NPAP1: variants seen among roughly 807,000 people sequenced by gnomAD.
NPAP1 encodes the protein nuclear pore-associated protein 1.
For synonymous variants in NPAP1, 616 were observed against 581.4 expected, an observed-to-expected ratio of 1.06 and a Z score of -0.86; for missense variants, 1,483 against 1,454.5, an observed-to-expected ratio of 1.02 and a Z score of -0.32.
In NPAP1 at chr15:24,678,170, C is replaced by T. The variant is rs2141312007; in HGVS notation, c.2303C>T (p.Ala768Val). The stretch of plus-strand genomic sequence containing the variant: ...TCCAACCATCCTTTAAATCCAGGAG[C>T]CACCCCTCAACCCAAATTTGGGGCC... ...TASNHPLNPG[A>V]TPQPKFGAPD... is the part of the protein sequence containing the mutation. Residue 768 changes from alanine to valine, a missense_variant, in exon 1 of 1, where the codon GCC (alanine) becomes GTC (valine). Physicochemically the swap from Ala to Val is moderately conservative, Grantham distance 64. Coordinates refer to ENST00000329468, the MANE Select transcript of NPAP1 (RefSeq NM_018958.3). 3.7e-6 allele frequency: 6 copies of T among 1,613,600 alleles called. No homozygotes were observed. The highest frequency in any genetic ancestry group is 5.1e-6 in the Non-Finnish European group (6 of 1,179,934).
rs1343410972 is a variant in NPAP1, at chr15:24,677,012, T to C, written c.1145T>C (p.Leu382Ser). ...GAGTATAAAAGGAATAGCAGAATCTTGGAGGATAAAACAGAGACCATGACA... is the reference window on the plus strand; with the variant it reads ...GAGTATAAAAGGAATAGCAGAATCTCGGAGGATAAAACAGAGACCATGACA... ...SPEYKRNSRI[L>S]EDKTETMTNS... Residue 382 changes from leucine to serine, a missense_variant, in exon 1 of 1, where the codon TTG becomes TCG. Transcript: ENST00000329468. 9.3e-6 allele frequency: 15 copies of C among 1,613,970 alleles called. No homozygotes were observed. Among genetic ancestry groups the C allele is most frequent in the Non-Finnish European group, 1.3e-5 (15 of 1,180,018 alleles).
chr15:24,675,865 T>C lies in NPAP1; in HGVS notation c.-3T>C, dbSNP rs1268744238. The C allele has an allele frequency of 1.3e-6, 2 of 1,548,896 alleles. No homozygotes were observed. Among genetic ancestry groups the C allele is most frequent in the Non-Finnish European group, 1.7e-6 (2 of 1,151,862 alleles). On this transcript the variant is annotated 5_prime_UTR_variant, in exon 1 of 1. Coordinates refer to ENST00000329468, the MANE Select transcript of NPAP1 (RefSeq NM_018958.3). Reference sequence around the variant, plus strand: ...TTACGGTAGGAGGCACGGCTAGCTCTAAATGGGCAATTTACTTAGTAAATT... The same window carrying C: ...TTACGGTAGGAGGCACGGCTAGCTCCAAATGGGCAATTTACTTAGTAAATT...
Position 24,677,800 on chromosome 15 carries a change from C to G in NPAP1, c.1933C>G (p.Pro645Ala), listed in dbSNP as rs2141311156. Residue 645 changes from proline (P) to alanine (A), a missense_variant, in exon 1 of 1, where the codon CCT (proline) becomes GCT (alanine). Coordinates refer to ENST00000329468, the MANE Select transcript of NPAP1 (RefSeq NM_018958.3). ...CCAACTCTTTGGAAAAGAAGCCACC[C>G]CTCAGCCCAAATTTGAGGCTCCTGA... ...FNQLFGKEAT[P>A]QPKFEAPDGQ... The G allele has an allele frequency of 1.9e-6, 3 of 1,614,166 alleles. No homozygotes were observed. The highest frequency in any genetic ancestry group is 2.5e-6 in the Non-Finnish European group (3 of 1,180,036).
rs756817955 is a variant in NPAP1 at position 24,676,701 on chromosome 15, G to A, written c.834G>A (p.Ala278=). ...GCSLLQQKLA[A]EVLNEEPPPS... ...CCCTGCTGCAGCAGAAGTTGGCTGC[G>A]GAAGTGCTGAATGAAGAGCCACCGC... is the stretch of plus-strand genomic sequence containing the variant. Residue 278 remains alanine (A), a synonymous_variant, in exon 1 of 1, where the codon GCG becomes GCA. Coordinates refer to ENST00000329468, the MANE Select transcript of NPAP1 (RefSeq NM_018958.3). The A allele has an allele frequency of 6.2e-7, 1 of 1,614,070 alleles. No individual in the cohort carries two copies.
chr15:24,677,376 C>T lies in NPAP1; in HGVS notation c.1509C>T (p.Ser503=), dbSNP rs2141310218. 6.2e-7 allele frequency: 1 copy of T among 1,613,956 alleles called. No individual in the cohort carries two copies. Among genetic ancestry groups the T allele is most frequent in the South Asian group, 1.1e-5 (1 of 91,054 alleles). ...LTSDPPTPPS[S]TPSFKPPVTR... is the part of the protein sequence containing the mutation. ...CTGACCCCCCAACACCTCCTAGCTCCACACCCTCCTTCAAGCCTCCCGTCA... is the reference window on the plus strand; with the variant it reads ...CTGACCCCCCAACACCTCCTAGCTCTACACCCTCCTTCAAGCCTCCCGTCA... The change falls in exon 1 of 1, where the codon TCC becomes TCT. Residue 503 remains serine, a synonymous_variant. Transcript: ENST00000329468.
rs780506627 is a variant in NPAP1, at chr15:24,676,700, C to T, written c.833C>T (p.Ala278Val). ...GCSLLQQKLA[A>V]EVLNEEPPPS... Reference sequence around the variant, plus strand: ...TCCCTGCTGCAGCAGAAGTTGGCTGCGGAAGTGCTGAATGAAGAGCCACCG... The same window carrying T: ...TCCCTGCTGCAGCAGAAGTTGGCTGTGGAAGTGCTGAATGAAGAGCCACCG... Residue 278 changes from alanine to valine, a missense_variant, in exon 1 of 1, where the codon GCG (alanine) becomes GTG (valine). Ala to Val is a moderately conservative substitution (Grantham distance 64). Transcript: ENST00000329468. 20 of 1,614,030 alleles carry T rather than the reference C, an allele frequency of 1.2e-5. No individual in the cohort carries two copies. The highest frequency in any genetic ancestry group is 1.6e-5 in the Non-Finnish European group (19 of 1,180,044).
At position 24,678,977 on chromosome 15, in the gene NPAP1, A is replaced by G. The variant is rs2141313850; in HGVS notation, c.3110A>G (p.Asn1037Ser). 1 of 1,614,158 alleles carries G rather than the reference A, an allele frequency of 6.2e-7. No homozygotes were observed. Among genetic ancestry groups the G allele is most frequent in the Non-Finnish European group, 8.5e-7 (1 of 1,180,044 alleles). The change falls in exon 1 of 1, where the codon AAC (asparagine) becomes AGC (serine). Residue 1037 changes from asparagine (N) to serine (S), a missense_variant. By Grantham distance (46) the Asn-to-Ser change is conservative (BLOSUM62 1). Coordinates refer to ENST00000329468, the MANE Select transcript of NPAP1 (RefSeq NM_018958.3). ...PGPSSTSGELNIGQGQSGTPS... is the reference protein window; with the variant it reads ...PGPSSTSGELSIGQGQSGTPS... ...CCCAGTTCCACATCAGGAGAACTCA[A>G]CATTGGACAAGGACAGAGTGGGACA...
chr15:24,683,379 G>A lies in NPAP1; in HGVS notation c.*4041G>A, dbSNP rs1403956964. ...ACCCTTTCTGCAGGAAGTAAAAATG[G>A]CCTTACTAAATAAATTTATGTTCAA... On this transcript the variant is annotated 3_prime_UTR_variant, in exon 1 of 1. Transcript: ENST00000329468. 3.0e-5 allele frequency: 5 copies of A among 167,272 alleles called. No individual in the cohort carries two copies. Among genetic ancestry groups the A allele is most frequent in the Non-Finnish European group, 7.3e-5 (5 of 68,166 alleles). The allele number at this position is 167,272 out of a possible 1,614,324, so 10.4% of individuals were successfully genotyped here. A position where few individuals can be genotyped will look rare whatever the true frequency, so the allele number is the denominator to read the frequency against.
rs1402807087 is a variant in NPAP1 at position 24,681,273 on chromosome 15, A to G, written c.*1935A>G. 1 of 167,118 alleles carries G rather than the reference A, an allele frequency of 6.0e-6. No individual in the cohort carries two copies. 10.4% of individuals were successfully genotyped at this position (167,118 alleles called of 1,614,324 possible). A position where few individuals can be genotyped will look rare whatever the true frequency, so the allele number is the denominator to read the frequency against. On this transcript the variant is annotated 3_prime_UTR_variant, in exon 1 of 1. Transcript: ENST00000329468. ...TTTTACTATGGCCTGTTTATCTCATAAGATTTTTGAAAGGATAAAATGAAA... is the reference window on the plus strand; with the variant it reads ...TTTTACTATGGCCTGTTTATCTCATGAGATTTTTGAAAGGATAAAATGAAA...
At position 24,680,473 on chromosome 15, in the gene NPAP1, A is replaced by C. The variant is rs1451969149; in HGVS notation, c.*1135A>C. 1.8e-5 allele frequency: 3 copies of C among 167,118 alleles called. No homozygotes were observed. The highest frequency in any genetic ancestry group is 6.5e-5 in the Admixed American group (1 of 15,292). 10.4% of individuals were successfully genotyped at this position (167,118 alleles called of 1,614,324 possible). On this transcript the variant is annotated 3_prime_UTR_variant, in exon 1 of 1. Coordinates refer to ENST00000329468, the MANE Select transcript of NPAP1 (RefSeq NM_018958.3). ...CTTAAGAAATAAGCACTCTCCCTGC[A>C]CATACAGTTCTCATAAATTGACATT...
rs2048972898 is a variant in NPAP1 at position 24,676,048 on chromosome 15, G to A, written c.181G>A (p.Ala61Thr). Residue 61 changes from alanine (A) to threonine (T), a missense_variant, in exon 1 of 1, where the codon GCA becomes ACA. Physicochemically the swap from Ala to Thr is moderately conservative, Grantham distance 58. Coordinates refer to ENST00000329468, the MANE Select transcript of NPAP1 (RefSeq NM_018958.3). Reference sequence around the variant, plus strand: ...CCGGAACGCCCGTCGCAGGCCTTCAGCAGCCAGCATCTTCGTCGCCCCTAA... The same window carrying A: ...CCGGAACGCCCGTCGCAGGCCTTCAACAGCCAGCATCTTCGTCGCCCCTAA... ...FRRNARRRPS[A>T]ASIFVAPKRP... 1.3e-6 allele frequency: 2 copies of A among 1,590,932 alleles called. No individual in the cohort carries two copies. Among genetic ancestry groups the A allele is most frequent in the African/African-American group, 1.4e-5 (1 of 73,548 alleles).
Position 24,678,926 on chromosome 15 carries a change from T to C in NPAP1, c.3059T>C (p.Ile1020Thr), listed in dbSNP as rs773151668. The change falls in exon 1 of 1, where the codon ATT (isoleucine) becomes ACT (threonine). Residue 1020 changes from isoleucine (I) to threonine (T), a missense_variant. Ile to Thr is a moderately conservative substitution (Grantham distance 89). Coordinates refer to ENST00000329468, the MANE Select transcript of NPAP1 (RefSeq NM_018958.3). Reference protein sequence around the residue: ...GPGTPMDGGSIGFSMSAPGPS... With the variant: ...GPGTPMDGGSTGFSMSAPGPS... ...GGAACCCCTATGGATGGTGGGAGCA[T>C]TGGGTTCAGCATGTCTGCCCCAGGC... is the stretch of plus-strand genomic sequence containing the variant. 54 of 1,613,998 alleles carry C rather than the reference T, an allele frequency of 3.3e-5. No individual in the cohort carries two copies. The East Asian group carries it at 3.6e-4, about 11-fold the overall frequency.
chr15:24,676,194 A>C lies in NPAP1; in HGVS notation c.327A>C (p.Gly109=), dbSNP rs1466137444. The change falls in exon 1 of 1, where the codon GGA becomes GGC. Residue 109 remains glycine (G), a synonymous_variant. Coordinates refer to ENST00000329468, the MANE Select transcript of NPAP1 (RefSeq NM_018958.3). The stretch of plus-strand genomic sequence containing the variant: ...CTGCTCGGAACCCCCCGAGGTTTGG[A>C]CACCCCAGTTCCGTAAGGATCCCTC... ...MLPARNPPRF[G]HPSSVRIPPP... is the part of the protein sequence containing the mutation. 1 of 1,565,510 alleles carries C rather than the reference A, an allele frequency of 6.4e-7. No homozygotes were observed. Among genetic ancestry groups the C allele is most frequent in the Non-Finnish European group, 8.6e-7 (1 of 1,157,806 alleles).
chr15:24,676,437 GTCC>G lies in NPAP1; in HGVS notation c.571_573del (p.Ser191del). The G allele has an allele frequency of 6.2e-7, 1 of 1,612,152 alleles. No individual in the cohort carries two copies. The highest frequency in any genetic ancestry group is 8.5e-7 in the Non-Finnish European group (1 of 1,179,184). ...GCGGAGAAGCATCGTCCACATCCAG[GTCC>G]CAGGGCACCCAGGGAGACGTGGCCT... On this transcript the variant is annotated inframe_deletion, in exon 1 of 1. Coordinates refer to ENST00000329468, the MANE Select transcript of NPAP1 (RefSeq NM_018958.3).
At position 24,677,975 on chromosome 15, in the gene NPAP1, C is replaced by T. The variant is rs2141311535; in HGVS notation, c.2108C>T (p.Thr703Ile). 1 of 1,613,948 alleles carries T rather than the reference C, an allele frequency of 6.2e-7. No homozygotes were observed. Among genetic ancestry groups the T allele is most frequent in the Non-Finnish European group, 8.5e-7 (1 of 1,179,996 alleles). The change falls in exon 1 of 1, where the codon ACT becomes ATT. Residue 703 changes from threonine (T) to isoleucine (I), a missense_variant. Physicochemically the swap from Thr to Ile is moderately conservative, Grantham distance 89 (BLOSUM62 -1). Coordinates refer to ENST00000329468, the MANE Select transcript of NPAP1 (RefSeq NM_018958.3). Reference sequence around the variant, plus strand: ...ATTGAAACCAATGCTATGCATACCACTCCTCCTTCCAAGGCTGTCATCTTG... The same window carrying T: ...ATTGAAACCAATGCTATGCATACCATTCCTCCTTCCAAGGCTGTCATCTTG... ...PPIETNAMHT[T>I]PPSKAVILQS...
Position 24,676,091 on chromosome 15 carries a change from C to T in NPAP1, c.224C>T (p.Pro75Leu), listed in dbSNP as rs2141307256. 1.3e-6 allele frequency: 2 copies of T among 1,563,798 alleles called. No individual in the cohort carries two copies. Among genetic ancestry groups the T allele is most frequent in the Non-Finnish European group, 1.7e-6 (2 of 1,158,400 alleles). The change falls in exon 1 of 1, where the codon CCT (proline) becomes CTT (leucine). Residue 75 changes from proline to leucine, a missense_variant. Coordinates refer to ENST00000329468, the MANE Select transcript of NPAP1 (RefSeq NM_018958.3). ...FVAPKRPCPLPRAAAAPLGVL... is the reference protein window; with the variant it reads ...FVAPKRPCPLLRAAAAPLGVL... ...GCCCCTAAGAGGCCGTGTCCTCTCC[C>T]TCGGGCTGCGGCCGCCCCTCTGGGG... is the stretch of plus-strand genomic sequence containing the variant.
Position 24,675,995 on chromosome 15 carries a change from C to G in NPAP1, c.128C>G (p.Thr43Ser), listed in dbSNP as rs771241511. 6.2e-7 allele frequency: 1 copy of G among 1,601,348 alleles called. No individual in the cohort carries two copies. Among genetic ancestry groups the G allele is most frequent in the East Asian group, 2.3e-5 (1 of 43,642 alleles). ...SPPGRAHSVP[T>S]PRPFRGLFRR... ...CCCGGTCGGGCTCACTCTGTACCCA[C>G]CCCGCGCCCTTTCCGCGGCCTGTTC... The change falls in exon 1 of 1, where the codon ACC becomes AGC. Residue 43 changes from threonine to serine, a missense_variant. Physicochemically the swap from Thr to Ser is moderately conservative, Grantham distance 58. Transcript: ENST00000329468.
Position 24,677,002 on chromosome 15 carries a change from A to G in NPAP1, c.1135A>G (p.Ser379Gly), listed in dbSNP as rs2141309326. The change falls in exon 1 of 1, where the codon AGC becomes GGC. Residue 379 changes from serine (S) to glycine (G), a missense_variant. Transcript: ENST00000329468. The stretch of plus-strand genomic sequence containing the variant: ...GAAGAGCCCTGAGTATAAAAGGAAT[A>G]GCAGAATCTTGGAGGATAAAACAGA... ...LEKSPEYKRN[S>G]RILEDKTETM... is the part of the protein sequence containing the mutation. 6.2e-7 allele frequency: 1 copy of G among 1,613,984 alleles called. No individual in the cohort carries two copies. Among genetic ancestry groups the G allele is most frequent in the Non-Finnish European group, 8.5e-7 (1 of 1,180,016 alleles).
In NPAP1 at chr15:24,676,381, G is replaced by A. The variant is rs746945090; in HGVS notation, c.514G>A (p.Glu172Lys). 1.9e-6 allele frequency: 3 copies of A among 1,569,484 alleles called. No homozygotes were observed. Among genetic ancestry groups the A allele is most frequent in the East Asian group, 2.2e-5 (1 of 44,662 alleles). ...TGAGGATCCGGTGCAGATCGAAGGG[G>A]AGGATGACGAGAAAAGGACCCCCCT... ...KDEDPVQIEG[E>K]DDEKRTPLSS... The change falls in exon 1 of 1, where the codon GAG (glutamate) becomes AAG (lysine). Residue 172 changes from glutamate to lysine, a missense_variant. Physicochemically the swap from Glu to Lys is moderately conservative, Grantham distance 56. Coordinates refer to ENST00000329468, the MANE Select transcript of NPAP1 (RefSeq NM_018958.3).
Sources: allele counts gnomAD v4.1 joint callset, GRCh38; gene constraint gnomAD v4.1.1; transcripts MANE v1.5; gene names NCBI Gene and HGNC (gene_info 2026-07-23, HGNC 2026-07-21).